CHCHD3: variants seen among roughly 807,000 people sequenced by gnomAD.
The protein encoded by CHCHD3 is coiled-coil-helix-coiled-coil-helix domain containing 3.
A neutral mutation model predicts 38.2 loss-of-function variants in CHCHD3; 20 were observed. The ratio of observed to expected loss-of-function variants is 0.52; its 90% confidence interval spans 0.37 to 0.76. CHCHD3 has a LOEUF of 0.76. Ranked by LOEUF, CHCHD3 falls within the 30% of genes least tolerant of loss-of-function variation. The probability of loss-of-function intolerance (pLI) is 0.00; values close to 1 mark genes in which losing one functional copy is unlikely to be tolerated. For synonymous variants in CHCHD3, 82 were observed against 100.0 expected, an observed-to-expected ratio of 0.82 and a Z score of 1.07; for missense variants, 245 against 279.2, an observed-to-expected ratio of 0.88 and a Z score of 0.87.
At chr7:132,808,448 T>C (rs988623475) in intron 6 of CHCHD3, among the ~76,000 whole-genome samples, 2 of 152,230 alleles carry the variant, frequency 1.3e-5, no homozygotes, top group Non-Finnish European at 2.9e-5. Flanking sequence ...GTGACTGAAA[T>C]GGATTTCGAG....
intron 4 of CHCHD3, chr7:132,972,822 T>C (rs566361225): frequency 3.0e-6 from 3 of 985,424 alleles, no homozygotes; most frequent in Admixed American, 1.2e-4. Context: ...TTGTCATCTA[T>C]ACCACACAAC....
At chr7:133,029,854 G>T (rs188263369) in intron 2 of CHCHD3, among the ~76,000 whole-genome samples, 4 of 152,046 alleles carry the variant, frequency 2.6e-5, no homozygotes, top group Non-Finnish European at 4.4e-5. Flanking sequence ...AGAGAAAAAC[G>T]TGGGAAGAGG....
rs574418462 is a variant in CHCHD3, at chr7:132,974,873, C to CA, written c.369+295dup. On this transcript the variant is annotated intron_variant, in intron 4 of 7. Coordinates refer to ENST00000262570, the MANE Select transcript of CHCHD3 (RefSeq NM_017812.4). ...TAGGCGACAGAGCAAGACTCCGTCT[C>CA]AAAAAAAAAAAGGAAAGAAAAAGAA... 4.9e-3 allele frequency among the ~76,000 whole-genome samples: 622 copies of CA among 126,578 alleles called. 3 individuals are homozygous for CA. Among genetic ancestry groups the CA allele is most frequent in the South Asian group, 0.044 (177 of 4,050 alleles). The allele number at this position is 126,578 out of a possible 152,430, so 83.0% of individuals were successfully genotyped here.
chr7:133,063,808 G>A (rs1443240058), intron 2 of CHCHD3, among the ~76,000 whole-genome samples: 1 of 152,090 alleles, frequency 6.6e-6, no homozygotes, highest in East Asian at 1.9e-4. Flanking sequence ...GGCCCTATAG[G>A]ATAGAATTAA....
chr7:132,942,539 C>G (rs546790507), intron 4 of CHCHD3, among the ~76,000 whole-genome samples: 76 of 151,968 alleles, frequency 5.0e-4, no homozygotes, highest in Non-Finnish European at 9.6e-4. Context: ...CTAACAGAAC[C>G]CACTGTAATT....
intron 5 of CHCHD3, among the ~76,000 whole-genome samples, chr7:132,860,649 CAG>C (rs1246655501): frequency 1.3e-5 from 2 of 151,046 alleles, no homozygotes; most frequent in African/African-American, 2.4e-5. Context: ...TTTTTTGAGA[CAG>C]AGTCTCACTC....
At chr7:132,894,035 C>T (rs1178397928) in intron 4 of CHCHD3, among the ~76,000 whole-genome samples, 1 of 152,048 alleles carries the variant, frequency 6.6e-6, no homozygotes, top group Non-Finnish European at 1.5e-5. Context: ...AAAAGTAAAG[C>T]CAACATTGAA....
intron 1 of CHCHD3, among the ~76,000 whole-genome samples, chr7:133,074,627 A>G (rs945749990): frequency 6.6e-6 from 1 of 152,214 alleles, no homozygotes; most frequent in Non-Finnish European, 1.5e-5. Flanking sequence ...TCTACTTTTA[A>G]TAACACACCC....
intron 6 of CHCHD3, among the ~76,000 whole-genome samples, chr7:132,835,440 G>C (rs1341306627): frequency 6.6e-6 from 1 of 152,198 alleles, no homozygotes; most frequent in Non-Finnish European, 1.5e-5. Flanking sequence ...AGGTAAGACA[G>C]AATGATGCTG....
chr7:133,032,336 C>G (rs980540327), intron 2 of CHCHD3, among the ~76,000 whole-genome samples: 1 of 152,088 alleles, frequency 6.6e-6, no homozygotes, highest in East Asian at 1.9e-4. Flanking sequence ...TGGCTACTTA[C>G]GCATTAAAGT....
chr7:132,790,724 T>A (rs1448381693), intron 7 of CHCHD3, among the ~76,000 whole-genome samples: 1 of 152,172 alleles, frequency 6.6e-6, no homozygotes. Context: ...ATCTTCGTGC[T>A]CTCTGAAAGT....
rs1419871823 is a variant in CHCHD3, at chr7:133,035,401, G to A, written c.170-10774C>T. ...CGGCGGAAAGAAGGCTCTAGAACCT[G>A]CTTATAGAGCCACAACAGGGTGCAG... On this transcript the variant is annotated intron_variant, in intron 2 of 7. Coordinates refer to ENST00000262570, the MANE Select transcript of CHCHD3 (RefSeq NM_017812.4). The surrounding 1 kb of genome is among the most constrained non-coding windows in gnomAD (Gnocchi z 4.7). 2 of 1,613,514 alleles carry A rather than the reference G, an allele frequency of 1.2e-6. No individual in the cohort carries two copies. Among genetic ancestry groups the A allele is most frequent in the South Asian group, 1.1e-5 (1 of 91,066 alleles).
At position 132,942,229 on chromosome 7, in the gene CHCHD3, T is replaced by C. The variant is rs1243557711; in HGVS notation, c.369+32940A>G. ...CGGGCAGGAGGAAAGGGGAATACTG[T>C]TACAGTCACTAGAAAAACTCTCTAC... is the stretch of plus-strand genomic sequence containing the variant. On this transcript the variant is annotated intron_variant, in intron 4 of 7. Transcript: ENST00000262570. 4.6e-5 allele frequency among the ~76,000 whole-genome samples: 7 copies of C among 152,138 alleles called. No individual in the cohort carries two copies. The East Asian group carries it at 1.2e-3, about 25-fold the overall frequency.
intron 2 of CHCHD3, among the ~76,000 whole-genome samples, chr7:133,036,436 G>A (rs543075062): frequency 5.2e-4 from 79 of 152,180 alleles, no homozygotes; most frequent in Middle Eastern, 3.4e-3. Context: ...AGAATGTTAC[G>A]ACATGTTACA....
At chr7:132,979,529 A>C (rs1811862911) in intron 3 of CHCHD3, among the ~76,000 whole-genome samples, 1 of 152,152 alleles carries the variant, frequency 6.6e-6, no homozygotes, top group Admixed American at 6.5e-5. Flanking sequence ...ACTGATATTT[A>C]ACTTGAGCTC....
chr7:132,982,565 G>A (rs1488936495), intron 3 of CHCHD3, among the ~76,000 whole-genome samples: 2 of 152,088 alleles, frequency 1.3e-5, no homozygotes, highest in African/African-American at 2.4e-5. Flanking sequence ...GATTACAGGC[G>A]AAAGCCACCA....
intron 3 of CHCHD3, among the ~76,000 whole-genome samples, chr7:132,980,784 T>C (rs112638015): frequency 0.019 from 2,848 of 152,260 alleles, 104 homozygotes; most frequent in African/African-American, 0.064. Context: ...TTATAAAACA[T>C]TCAACTTTCA....
chr7:133,069,872 A>C (rs1396788393), intron 2 of CHCHD3, among the ~76,000 whole-genome samples: 1 of 152,248 alleles, frequency 6.6e-6, no homozygotes, highest in African/African-American at 2.4e-5. Context: ...TCCATTTTAC[A>C]CAAAAAGATA....
chr7:132,887,947 C>G (rs1263750435), intron 4 of CHCHD3, among the ~76,000 whole-genome samples: 1 of 151,650 alleles, frequency 6.6e-6, no homozygotes, highest in African/African-American at 2.4e-5. Flanking sequence ...TTATGGTACT[C>G]AAGTACTATA....
Sources: allele counts gnomAD v4.1 joint callset (sites outside exome capture counted in the v4.1 genomes callset), GRCh38; gene constraint gnomAD v4.1.1; non-coding constraint Gnocchi (gnomAD v3.1); transcripts MANE v1.5; gene names NCBI Gene and HGNC (gene_info 2026-07-23, HGNC 2026-07-21).